CADM1: variants seen among roughly 807,000 people sequenced by gnomAD.
CADM1 encodes the protein TSLC-1.
Under a neutral mutation model 53.1 loss-of-function variants are expected in CADM1, and 15 were observed. That is an observed-to-expected ratio of 0.28 (90% CI 0.19 to 0.44). CADM1 has a LOEUF of 0.44. Among genes scored for constraint, CADM1 ranks in the 20% least tolerant of loss-of-function variants. The pLI is 1.00. For missense variants in CADM1, 434 were observed against 611.3 expected (o/e 0.71, Z 3.06); for synonymous variants, 281 against 243.0 (o/e 1.16, Z -1.45).
At chr11:115,270,448 T>C (rs564433724) in intron 1 of CADM1, among the ~76,000 whole-genome samples, 23 of 152,304 alleles carry the variant, frequency 1.5e-4, no homozygotes, top group Admixed American at 1.3e-3. Flanking sequence ...CTATTCCCCA[T>C]AACTTCTGGG....
At chr11:115,430,241 TCCTCCAGCCATTTC>T (rs1948009457) in intron 1 of CADM1, among the ~76,000 whole-genome samples, 1 of 152,188 alleles carries the variant, frequency 6.6e-6, no homozygotes, top group Non-Finnish European at 1.5e-5. Context: ...TTTCTCATTC[TCCTCCAGCCATTTC>T]CCTCCAGCTA....
intron 1 of CADM1, among the ~76,000 whole-genome samples, chr11:115,278,422 G>C (rs2135069620): frequency 6.6e-6 from 1 of 152,194 alleles, no homozygotes; most frequent in South Asian, 2.1e-4. Flanking sequence ...TAAGGAGCAG[G>C]GCATAATAAA....
rs923312381 is a variant in CADM1, at chr11:115,174,273, T to TG, written c.*2200_*2201insC. 3.5e-5 allele frequency: 20 copies of TG among 570,146 alleles called. No individual in the cohort carries two copies. The South Asian group carries it at 6.2e-4, about 18-fold the overall frequency. 35.3% of individuals were successfully genotyped at this position (570,146 alleles called of 1,614,324 possible). On this transcript the variant is annotated 3_prime_UTR_variant, in exon 12 of 12. Coordinates refer to ENST00000331581, the MANE Select transcript of CADM1 (RefSeq NM_001301043.2). ...TCTGTGAGCAATGGTGTGATTTTTTTTTTTTGTTTTTGTTTTTGTTTTTCT... is the reference window on the plus strand; with the variant it reads ...TCTGTGAGCAATGGTGTGATTTTTTTGTTTTTGTTTTTGTTTTTGTTTTTCT...
At chr11:115,302,647 G>A (rs566901461) in intron 1 of CADM1, among the ~76,000 whole-genome samples, 5 of 152,036 alleles carry the variant, frequency 3.3e-5, no homozygotes, top group Non-Finnish European at 7.4e-5. Flanking sequence ...AAAAGAAAAT[G>A]TTCATTATTG....
At chr11:115,328,680 G>GTATATATATGTGTATATATATGTA (rs768440329) in intron 1 of CADM1, among the ~76,000 whole-genome samples, 7 of 35,814 alleles carry the variant, frequency 2.0e-4, no homozygotes, top group Admixed American at 5.8e-4. Flanking sequence ...ATATATATGT[G>GTATATATATGTGTATATATATGTA]TATATATATG....
chr11:115,372,008 C>T (rs753546792), intron 1 of CADM1, among the ~76,000 whole-genome samples: 6 of 152,124 alleles, frequency 3.9e-5, no homozygotes, highest in African/African-American at 1.4e-4. Flanking sequence ...GCAATGAGTT[C>T]ATGTGATAAT....
chr11:115,297,933 C>A (rs1944121944), intron 1 of CADM1, among the ~76,000 whole-genome samples: 1 of 152,210 alleles, frequency 6.6e-6, no homozygotes, highest in African/African-American at 2.4e-5. Context: ...ATATTTACCT[C>A]TGGACTGCAC....
intron 1 of CADM1, among the ~76,000 whole-genome samples, chr11:115,379,054 A>T (rs777579031): frequency 2.6e-5 from 4 of 152,242 alleles, no homozygotes; most frequent in Non-Finnish European, 5.9e-5. Context: ...TAGATGATGT[A>T]GCATGAGTGC....
At chr11:115,503,077 G>A (rs1949765812) in intron 1 of CADM1, among the ~76,000 whole-genome samples, 1 of 152,148 alleles carries the variant, frequency 6.6e-6, no homozygotes. Flanking sequence ...ACTCGGTCCC[G>A]GCGCCCGCCT....
intron 10 of CADM1, among the ~76,000 whole-genome samples, chr11:115,180,329 A>AAAAACC (rs372628023): frequency 2.6e-5 from 4 of 152,232 alleles, no homozygotes; most frequent in African/African-American, 7.2e-5. Context: ...AGGACTACAG[A>AAAAACC]AAAACCAAAA....
chr11:115,269,072 G>A (rs1943224569), intron 1 of CADM1, among the ~76,000 whole-genome samples: 1 of 152,084 alleles, frequency 6.6e-6, no homozygotes, highest in African/African-American at 2.4e-5. Flanking sequence ...ATAGCTTCTA[G>A]ACTGGACTCC....
chr11:115,293,727 GT>G (rs1943971413), intron 1 of CADM1, among the ~76,000 whole-genome samples: 1 of 152,144 alleles, frequency 6.6e-6, no homozygotes, highest in Admixed American at 6.5e-5. Flanking sequence ...GCTATGATTA[GT>G]TGTGTTATTA....
At chr11:115,375,730 T>C (rs1335788902) in intron 1 of CADM1, among the ~76,000 whole-genome samples, 1 of 152,072 alleles carries the variant, frequency 6.6e-6, no homozygotes, top group Non-Finnish European at 1.5e-5. Flanking sequence ...CAAGATATAT[T>C]GCACGTAGGG....
intron 1 of CADM1, among the ~76,000 whole-genome samples, chr11:115,258,678 G>C (rs956465532): frequency 7.9e-5 from 12 of 152,190 alleles, no homozygotes; most frequent in African/African-American, 2.2e-4. Flanking sequence ...TTATTATAAC[G>C]TGTTACCAAG....
intron 1 of CADM1, among the ~76,000 whole-genome samples, chr11:115,316,063 A>G (rs1944659657): frequency 6.6e-6 from 1 of 152,084 alleles, no homozygotes; most frequent in Admixed American, 6.6e-5. Context: ...AACCCAAATA[A>G]TTTGGCCAGC....
At chr11:115,267,148 G>T (rs1943164092) in intron 1 of CADM1, among the ~76,000 whole-genome samples, 2 of 152,234 alleles carry the variant, frequency 1.3e-5, no homozygotes, top group Admixed American at 1.3e-4. Flanking sequence ...ATGCACTGAG[G>T]TGATGTACCC....
chr11:115,377,841 A>C (rs1946477771), intron 1 of CADM1: 2 of 152,308 alleles, frequency 1.3e-5, no homozygotes, highest in South Asian at 2.1e-4. Context: ...TTTATTAGCA[A>C]ATTGAACTTT....
At chr11:115,452,652 C>G (rs1318526577) in intron 1 of CADM1, among the ~76,000 whole-genome samples, 2 of 152,180 alleles carry the variant, frequency 1.3e-5, no homozygotes, top group African/African-American at 4.8e-5. Flanking sequence ...GGGAAACAGG[C>G]AGCCCTGCAA....
intron 1 of CADM1, among the ~76,000 whole-genome samples, chr11:115,456,675 T>G (rs1948690182): frequency 6.6e-6 from 1 of 152,188 alleles, no homozygotes; most frequent in African/African-American, 2.4e-5. Flanking sequence ...CCACTAGCTG[T>G]GTGATTTTGG....
Sources: gnomAD v4.1 joint callset for allele counts (sites outside exome capture counted in the v4.1 genomes callset) on GRCh38, gnomAD v4.1.1 for gene constraint, MANE v1.5 for transcripts, NCBI Gene and HGNC (gene_info 2026-07-23, HGNC 2026-07-21) for gene names.